PKP2: variants seen among roughly 807,000 people sequenced by gnomAD.
The protein encoded by PKP2 is plakophilin-2.
Under a neutral mutation model 83.4 loss-of-function variants are expected in PKP2, and 73 were observed. The observed-to-expected ratio is 0.88, with a 90% CI of 0.72 to 1.06. The LOEUF is 1.06. PKP2 is among the 50% of genes least tolerant of loss of function. The probability of loss-of-function intolerance (pLI) is 0.00; values close to 1 mark genes in which losing one functional copy is unlikely to be tolerated. For missense variants in PKP2, 966 were observed against 1,065.4 expected (o/e 0.91, Z 1.30); for synonymous variants, 409 against 430.4 (o/e 0.95, Z 0.62).
chr12:32,853,038 G>A (rs907668907), intron 4 of PKP2, among the ~76,000 whole-genome samples: 5 of 152,024 alleles, frequency 3.3e-5, no homozygotes, highest in Non-Finnish European at 7.4e-5. Flanking sequence ...GAGCAGAAAT[G>A]GCACCACTGC....
intron 1 of PKP2, among the ~76,000 whole-genome samples, chr12:32,881,231 G>A (rs1956983588): frequency 6.6e-6 from 1 of 152,174 alleles, no homozygotes; most frequent in Admixed American, 6.6e-5. Flanking sequence ...GCCTCAAGGA[G>A]TCTTGTGAGG....
chr12:32,802,348 T>C, intron 10 of PKP2, 55 bp downstream of exon 10: 1 of 1,539,778 alleles, frequency 6.5e-7, no homozygotes, highest in South Asian at 1.1e-5. Flanking sequence ...CAACATTTCA[T>C]TGCATTGTAT....
intron 1 of PKP2, among the ~76,000 whole-genome samples, chr12:32,890,092 A>G (rs982293934): frequency 7.9e-4 from 119 of 151,288 alleles, no homozygotes; most frequent in Non-Finnish European, 1.4e-3. Flanking sequence ...AAAAAAAAAA[A>G]AAAAAGAAAA....
intron 9 of PKP2, among the ~76,000 whole-genome samples, chr12:32,808,115 T>C (rs1445709140): frequency 6.6e-6 from 1 of 152,230 alleles, no homozygotes; most frequent in Non-Finnish European, 1.5e-5. Flanking sequence ...TACTAAAGTA[T>C]GTTTTCCAAC....
At chr12:32,875,504 A>G (rs1191060112) in intron 3 of PKP2, among the ~76,000 whole-genome samples, 4 of 152,336 alleles carry the variant, frequency 2.6e-5, no homozygotes, top group African/African-American at 9.6e-5. Context: ...AGTGATAAGC[A>G]GAGCTGAAAA....
At chr12:32,883,531 GAAGA>G (rs959122031) in intron 1 of PKP2, among the ~76,000 whole-genome samples, 5 of 152,162 alleles carry the variant, frequency 3.3e-5, no homozygotes, top group Admixed American at 1.3e-4. Context: ...TCTGAAAATA[GAAGA>G]AAGCAAACAA....
chr12:32,798,204 C>T (rs545195977), intron 10 of PKP2, among the ~76,000 whole-genome samples: 4 of 151,182 alleles, frequency 2.6e-5, no homozygotes, highest in Non-Finnish European at 4.4e-5. Context: ...CCTGCCTCAG[C>T]CTCCCGAGTA....
chr12:32,851,399 A>C (rs1956695753), intron 4 of PKP2, among the ~76,000 whole-genome samples: 1 of 152,180 alleles, frequency 6.6e-6, no homozygotes, highest in Non-Finnish European at 1.5e-5. Flanking sequence ...TAAAATGAAT[A>C]GTATCACTTT....
At chr12:32,845,033 T>C (rs1167710991) in intron 5 of PKP2, among the ~76,000 whole-genome samples, 4 of 152,190 alleles carry the variant, frequency 2.6e-5, no homozygotes, top group African/African-American at 9.7e-5. Context: ...TCTACTAGTA[T>C]AGCTCTTTGT....
intron 5 of PKP2, among the ~76,000 whole-genome samples, chr12:32,842,427 G>A (rs1477074459): frequency 6.6e-6 from 1 of 151,936 alleles, no homozygotes; most frequent in Non-Finnish European, 1.5e-5. Flanking sequence ...ATTTTCGGTA[G>A]AGACGGGTTT....
chr12:32,829,502 A>T (rs1233131665), intron 6 of PKP2, among the ~76,000 whole-genome samples: 1 of 151,850 alleles, frequency 6.6e-6, no homozygotes, highest in Non-Finnish European at 1.5e-5. Flanking sequence ...CCTTCTGCAA[A>T]GTGCTGGGAT....
chr12:32,792,344 A>T lies in PKP2; in HGVS notation c.*80T>A. ...AGGATAGAAACAAGGCATGCTTTTG[A>T]GGTTTCTTGGGCTGGGTAGTAGAAA... On this transcript the variant is annotated 3_prime_UTR_variant, in exon 13 of 13. Coordinates refer to ENST00000340811, the MANE Select transcript of PKP2 (RefSeq NM_001005242.3). 2.1e-6 allele frequency: 2 copies of T among 963,962 alleles called. No individual in the cohort carries two copies. Among genetic ancestry groups the T allele is most frequent in the Non-Finnish European group, 3.4e-6 (2 of 587,444 alleles). The allele number at this position is 963,962 out of a possible 1,614,324, so 59.7% of individuals were successfully genotyped here. A position where few individuals can be genotyped will look rare whatever the true frequency, so the allele number is the denominator to read the frequency against.
intron 5 of PKP2, among the ~76,000 whole-genome samples, chr12:32,849,985 G>A (rs1253984059): frequency 6.6e-6 from 1 of 152,200 alleles, no homozygotes; most frequent in Non-Finnish European, 1.5e-5. Context: ...CAGCAAGCTG[G>A]TTGTTGAGTA....
intron 9 of PKP2, among the ~76,000 whole-genome samples, chr12:32,808,813 A>G (rs1471744633): frequency 6.6e-6 from 1 of 151,928 alleles, no homozygotes; most frequent in African/African-American, 2.4e-5. Flanking sequence ...TCTGCTCCAG[A>G]CCTTAGTTGC....
At chr12:32,821,582 A>G in intron 8 of PKP2, 53 bp from the exon 9 acceptor site, 1 of 1,553,104 alleles carries the variant, frequency 6.4e-7, no homozygotes. Flanking sequence ...TGATGGCTAT[A>G]ATTTCACACT....
rs372664096 is a variant in PKP2, at chr12:32,878,026, G to A, written c.854C>T (p.Ala285Val). The change falls in exon 3 of 13, where the codon GCT (alanine) becomes GTT (valine). Residue 285 changes from alanine (A) to valine (V), a missense_variant. Coordinates refer to ENST00000340811, the MANE Select transcript of PKP2 (RefSeq NM_001005242.3). ...VPLQPVTQNR[A>V]SRSSWHQSSF... The stretch of plus-strand genomic sequence containing the variant: ...GCTCTGATGCCAGGAGGACCTGGAA[G>A]CCCTGTTCTGAGTGACGGGCTGCAG... The A allele has an allele frequency of 1.9e-6, 3 of 1,613,864 alleles. No individual in the cohort carries two copies. Among genetic ancestry groups the A allele is most frequent in the African/African-American group, 1.3e-5 (1 of 74,942 alleles).
intron 4 of PKP2, among the ~76,000 whole-genome samples, chr12:32,857,080 C>T (rs982090580): frequency 3.3e-5 from 5 of 152,068 alleles, no homozygotes; most frequent in African/African-American, 1.2e-4. Flanking sequence ...GCCTCCCAGC[C>T]CAACAGGACA....
chr12:32,821,539 C>T lies in PKP2; in HGVS notation c.1840-10G>A, dbSNP rs768000598. The T allele has an allele frequency of 1.2e-6, 2 of 1,613,894 alleles. No individual in the cohort carries two copies. The highest frequency in any genetic ancestry group is 1.7e-6 in the Non-Finnish European group (2 of 1,179,888). ...GCACGTCCTGGTATTGCTGACCACACACAAAAGGAATCCAGAATTAATGCA... is the reference window on the plus strand; with the variant it reads ...GCACGTCCTGGTATTGCTGACCACATACAAAAGGAATCCAGAATTAATGCA... On this transcript the variant is annotated splice_polypyrimidine_tract_variant and intron_variant, in intron 8 of 12. Transcript: ENST00000340811.
chr12:32,851,367 A>C (rs1343354724), intron 4 of PKP2, among the ~76,000 whole-genome samples: 1 of 152,184 alleles, frequency 6.6e-6, no homozygotes, highest in Admixed American at 6.5e-5. Context: ...TTTTTTCCTA[A>C]GACAAAACTT....
Sources: allele counts gnomAD v4.1 joint callset (sites outside exome capture counted in the v4.1 genomes callset), GRCh38; gene constraint gnomAD v4.1.1; transcripts MANE v1.5; gene names NCBI Gene and HGNC (gene_info 2026-07-23, HGNC 2026-07-21).